The following ARNT2 variants were observed in gnomAD, a reference collection of about 807,000 sequenced individuals.
ARNT2 encodes the protein aryl hydrocarbon receptor nuclear translocator 2, also known as ARNT protein 2.
In ARNT2, 36 loss-of-function variants were observed where a neutral mutation model predicts 91.7. That is an observed-to-expected ratio of 0.39 (90% CI 0.30 to 0.52). The LOEUF is 0.52. Among genes scored for constraint, ARNT2 ranks in the 20% least tolerant of loss-of-function variants. The pLI is 0.72. For missense variants in ARNT2, 775 were observed against 939.3 expected (o/e 0.83, Z 2.29); for synonymous variants, 365 against 347.1 (o/e 1.05, Z -0.57).
At chr15:80,546,504 G>C (rs1328767353) in intron 8 of ARNT2, among the ~76,000 whole-genome samples, 2 of 152,230 alleles carry the variant, frequency 1.3e-5, no homozygotes, top group African/African-American at 4.8e-5. Context: ...TTTCCATGGA[G>C]AGCAGAAAGA....
chr15:80,570,800 A>G (rs1898570109), intron 12 of ARNT2, among the ~76,000 whole-genome samples: 1 of 152,228 alleles, frequency 6.6e-6, no homozygotes, highest in African/African-American at 2.4e-5. Context: ...CCATGAGGGC[A>G]GGGATCTTGT....
intron 5 of ARNT2, among the ~76,000 whole-genome samples, chr15:80,494,088 CT>C (rs1294227419): frequency 6.6e-6 from 1 of 152,182 alleles, no homozygotes; most frequent in Non-Finnish European, 1.5e-5. Flanking sequence ...ACCCAATAAA[CT>C]TCTTTTCTTT....
chr15:80,431,820 C>G (rs1348372736), intron 1 of ARNT2, among the ~76,000 whole-genome samples: 2 of 152,332 alleles, frequency 1.3e-5, no homozygotes, highest in African/African-American at 4.8e-5. Flanking sequence ...AGTGCTTCCT[C>G]AAAGACCCCC....
At chr15:80,414,634 A>C (rs965672695) in intron 1 of ARNT2, among the ~76,000 whole-genome samples, 3 of 152,252 alleles carry the variant, frequency 2.0e-5, no homozygotes, top group Non-Finnish European at 4.4e-5. Flanking sequence ...TGATGTTTCT[A>C]TCCCATCAGC....
chr15:80,483,280 A>T (rs1041378641), intron 5 of ARNT2, among the ~76,000 whole-genome samples: 4 of 149,382 alleles, frequency 2.7e-5, no homozygotes, highest in Non-Finnish European at 6.0e-5. Flanking sequence ...AGAACTGCTG[A>T]ACTAAAGAAT....
chr15:80,480,106 A>C (rs74027989), intron 5 of ARNT2, among the ~76,000 whole-genome samples: 18,275 of 151,992 alleles, frequency 0.12, 2,222 homozygotes, highest in African/African-American at 0.28. Flanking sequence ...GGATTCTGAG[A>C]AGAAGATGGA....
intron 11 of ARNT2, among the ~76,000 whole-genome samples, chr15:80,558,773 A>T (rs779839444): frequency 6.6e-6 from 1 of 152,164 alleles, no homozygotes; most frequent in African/African-American, 2.4e-5. Context: ...GTGAAATTGG[A>T]ATGGTTAAGC....
At chr15:80,560,373 G>A (rs1356328860) in intron 11 of ARNT2, among the ~76,000 whole-genome samples, 1 of 152,150 alleles carries the variant, frequency 6.6e-6, no homozygotes, top group Admixed American at 6.5e-5. Flanking sequence ...CAGTTTCCAG[G>A]TTCACAAAAT....
intron 5 of ARNT2, among the ~76,000 whole-genome samples, chr15:80,476,774 T>G (rs1242569416): frequency 6.6e-6 from 1 of 152,218 alleles, no homozygotes; most frequent in Non-Finnish European, 1.5e-5. Flanking sequence ...TCCTAATCCA[T>G]TTGGGCTGCT....
chr15:80,551,516 G>A (rs1034506741), intron 9 of ARNT2, among the ~76,000 whole-genome samples: 12 of 152,138 alleles, frequency 7.9e-5, no homozygotes, highest in African/African-American at 2.9e-4. Flanking sequence ...GCTTGTGCTG[G>A]TTGCCACAAA....
chr15:80,569,016 G>A (rs1898536322), intron 12 of ARNT2, among the ~76,000 whole-genome samples: 1 of 152,206 alleles, frequency 6.6e-6, no homozygotes, highest in African/African-American at 2.4e-5. Context: ...TCCAAACCCT[G>A]TAACAAGTAT....
intron 8 of ARNT2, among the ~76,000 whole-genome samples, chr15:80,520,614 C>T (rs1595996215): frequency 6.6e-6 from 1 of 151,476 alleles, no homozygotes; most frequent in East Asian, 1.9e-4. Flanking sequence ...CAAAAGGAAA[C>T]TTTTGGAGGT....
chr15:80,573,856 C>A (rs1206793359), intron 12 of ARNT2, among the ~76,000 whole-genome samples: 1 of 152,232 alleles, frequency 6.6e-6, no homozygotes, highest in East Asian at 1.9e-4. Flanking sequence ...AACTGCTTTT[C>A]TGAATTTGCC....
intron 12 of ARNT2, among the ~76,000 whole-genome samples, chr15:80,564,224 C>T (rs1385378385): frequency 6.6e-6 from 1 of 152,182 alleles, no homozygotes; most frequent in East Asian, 1.9e-4. Context: ...GACCTGTTTC[C>T]AACCCTACCA....
intron 5 of ARNT2, among the ~76,000 whole-genome samples, chr15:80,477,247 C>T (rs1375994392): frequency 2.0e-5 from 3 of 152,178 alleles, no homozygotes; most frequent in Non-Finnish European, 4.4e-5. Flanking sequence ...AATGGGAGAA[C>T]AGACTAATAC....
intron 8 of ARNT2, among the ~76,000 whole-genome samples, chr15:80,547,930 G>T (rs530990896): frequency 6.6e-6 from 1 of 152,168 alleles, no homozygotes; most frequent in Non-Finnish European, 1.5e-5. Flanking sequence ...TAAAGTGTTA[G>T]ACAAACTAGC....
At chr15:80,474,927 T>C (rs1896778403) in intron 4 of ARNT2, 83 bp from the exon 5 acceptor site, 1 of 1,380,860 alleles carries the variant, frequency 7.2e-7, no homozygotes. Context: ...ATAAAGGAAA[T>C]TGAAGGCTGC....
intron 8 of ARNT2, among the ~76,000 whole-genome samples, chr15:80,522,781 C>A (rs866935748): frequency 4.6e-5 from 6 of 129,460 alleles, no homozygotes; most frequent in African/African-American, 1.3e-4. Context: ...ATATATATAT[C>A]TGTTTGATAT....
At chr15:80,433,058 G>A (rs1431872210) in intron 1 of ARNT2, among the ~76,000 whole-genome samples, 1 of 151,684 alleles carries the variant, frequency 6.6e-6, no homozygotes. Flanking sequence ...GGTGAATGAT[G>A]GATGAATATA....
Sources: allele counts gnomAD v4.1 joint callset (sites outside exome capture counted in the v4.1 genomes callset), GRCh38; gene constraint gnomAD v4.1.1; transcripts MANE v1.5; gene names NCBI Gene and HGNC (gene_info 2026-07-23, HGNC 2026-07-21).